Variants in CLCN3 observed in about 807,000 individuals in gnomAD.
CLCN3 encodes H(+)/Cl(-) exchange transporter 3.
CLCN3 carries 16 observed loss-of-function variants against 83.4 expected under a neutral mutation model. That is an observed-to-expected ratio of 0.19 (90% CI 0.13 to 0.29). The LOEUF (loss-of-function observed/expected upper bound fraction) is 0.29. CLCN3 is among the 10% of genes least tolerant of loss of function. The pLI is 1.00. For missense variants in CLCN3, 544 were observed against 1,006.0 expected, an observed-to-expected ratio of 0.54 and a Z score of 6.21; for synonymous variants, 322 against 346.2, an observed-to-expected ratio of 0.93 and a Z score of 0.78.
intron 3 of CLCN3, chr4:169,680,875 G>A (rs1731910617): frequency 6.6e-6 from 1 of 152,072 alleles, no homozygotes; most frequent in South Asian, 2.1e-4. Context: ...TTGAGACGGA[G>A]TCTCAGTCTT....
chr4:169,679,931 G>C (rs1731868647), intron 2 of CLCN3, 119 bp from the exon 3 acceptor site: 4 of 774,870 alleles, frequency 5.2e-6, no homozygotes, highest in African/African-American at 1.7e-5. Flanking sequence ...GGGAGGTGGA[G>C]ACGAGGGAGA....
chr4:169,631,018 C>G (rs760041491), intron 1 of CLCN3, among the ~76,000 whole-genome samples: 1 of 152,158 alleles, frequency 6.6e-6, no homozygotes, highest in Non-Finnish European at 1.5e-5. Context: ...GTTTTAAGTT[C>G]TTTGATAAAT....
chr4:169,623,557 A>G (rs1360168110), intron 1 of CLCN3, among the ~76,000 whole-genome samples: 2 of 152,186 alleles, frequency 1.3e-5, no homozygotes, highest in African/African-American at 2.4e-5. Context: ...TTTGAGGTAT[A>G]TAGTACATTA....
intron 2 of CLCN3, among the ~76,000 whole-genome samples, chr4:169,654,772 A>G (rs1730833174): frequency 6.6e-6 from 1 of 152,176 alleles, no homozygotes; most frequent in African/African-American, 2.4e-5. Context: ...TGGCCCAGAA[A>G]AAAAGTCAAC....
intron 2 of CLCN3, among the ~76,000 whole-genome samples, chr4:169,645,285 T>C (rs1192861736): frequency 6.9e-6 from 1 of 145,804 alleles, no homozygotes; most frequent in African/African-American, 2.7e-5. Flanking sequence ...TTAAAAACTT[T>C]AAGAGTGAAG....
At position 169,621,006 on chromosome 4, in the gene CLCN3, G is replaced by T; in HGVS notation, c.-74G>T. 2.5e-6 allele frequency: 1 copy of T among 398,060 alleles called. No individual in the cohort carries two copies. Among genetic ancestry groups the T allele is most frequent in the Non-Finnish European group, 4.4e-6 (1 of 226,032 alleles). 24.7% of individuals were successfully genotyped at this position (398,060 alleles called of 1,614,324 possible). A position where few individuals can be genotyped will look rare whatever the true frequency, so the allele number is the denominator to read the frequency against. On this transcript the variant is annotated 5_prime_UTR_variant, in exon 1 of 13. Transcript: ENST00000513761. ...AGGTTCTAGGTTTGAAACAGATGCA[G>T]AATCCAAAGGCAGCGCAAAAAACAG...
chr4:169,639,177 A>C (rs919758878), intron 2 of CLCN3, among the ~76,000 whole-genome samples: 1 of 152,126 alleles, frequency 6.6e-6, no homozygotes, highest in African/African-American at 2.4e-5. Flanking sequence ...CCACAGTTGC[A>C]CACCACTAGA....
At chr4:169,701,453 C>A (rs189284237) in intron 9 of CLCN3, among the ~76,000 whole-genome samples, 8 of 152,252 alleles carry the variant, frequency 5.3e-5, no homozygotes, top group Admixed American at 5.2e-4. Flanking sequence ...GATATTTTGA[C>A]CTCCTCCCAT....
chr4:169,720,011 GGAGA>G lies in CLCN3; in HGVS notation c.*19_*22del. ...ATGTTCAACTGAATCTCACAGATGA[GGAGA>G]GAGAAGAAACGGAAGAGGAAGTTTA... is the stretch of plus-strand genomic sequence containing the variant. On this transcript the variant is annotated 3_prime_UTR_variant, in exon 13 of 13. Transcript: ENST00000513761. 1 of 1,613,314 alleles carries G rather than the reference GGAGA, an allele frequency of 6.2e-7. No individual in the cohort carries two copies. The highest frequency in any genetic ancestry group is 1.1e-5 in the South Asian group (1 of 91,044).
chr4:169,654,918 T>G (rs28716464), intron 2 of CLCN3, among the ~76,000 whole-genome samples: 24,388 of 152,158 alleles, frequency 0.16, 3,107 homozygotes, highest in African/African-American at 0.36. Context: ...TTCTCCTTGT[T>G]TGTTTCTATT....
At chr4:169,711,857 C>T (rs1340884430) in intron 11 of CLCN3, among the ~76,000 whole-genome samples, 1 of 151,876 alleles carries the variant, frequency 6.6e-6, no homozygotes, top group Admixed American at 6.6e-5. Context: ...AATTTGTATT[C>T]AAAAAATATA....
intron 2 of CLCN3, among the ~76,000 whole-genome samples, chr4:169,678,762 A>G (rs1731783932): frequency 6.6e-6 from 1 of 152,224 alleles, no homozygotes; most frequent in South Asian, 2.1e-4. Context: ...CAGCATCCCA[A>G]GGCAGAAGAA....
chr4:169,702,616 C>A (rs1732831856), intron 9 of CLCN3, among the ~76,000 whole-genome samples: 1 of 151,522 alleles, frequency 6.6e-6, no homozygotes, highest in Non-Finnish European at 1.5e-5. Flanking sequence ...TGATTACTCT[C>A]AAAAAAAAGT....
chr4:169,679,281 TC>T lies in CLCN3; in HGVS notation c.161-766del, dbSNP rs1489213484. 9.2e-5 allele frequency among the ~76,000 whole-genome samples: 12 copies of T among 130,852 alleles called. No homozygotes were observed. The South Asian group carries it at 3.0e-3, about 33-fold the overall frequency. The allele number at this position is 130,852 out of a possible 152,430, so 85.8% of individuals were successfully genotyped here. On this transcript the variant is annotated intron_variant, in intron 2 of 12. Transcript: ENST00000513761. ...CGGCCGGGCAGAGGCGCTCCCCACG[TC>T]CCAGACGATGGGCGGCCGGGCAGAG...
intron 4 of CLCN3, among the ~76,000 whole-genome samples, chr4:169,688,387 A>G (rs1267241554): frequency 6.6e-6 from 1 of 152,238 alleles, no homozygotes; most frequent in Non-Finnish European, 1.5e-5. Context: ...AAGCACTGTT[A>G]TAATCACTTT....
At chr4:169,698,285 T>C (rs896369688) in intron 9 of CLCN3, among the ~76,000 whole-genome samples, 8 of 152,212 alleles carry the variant, frequency 5.3e-5, no homozygotes, top group African/African-American at 1.9e-4. Context: ...AATTAAATTA[T>C]TGAATATAGT....
chr4:169,636,802 G>A (rs1185432963), intron 2 of CLCN3, among the ~76,000 whole-genome samples: 1 of 142,822 alleles, frequency 7.0e-6, no homozygotes, highest in Non-Finnish European at 1.5e-5. Context: ...ATGTGCATAT[G>A]TTTTAGTGCA....
chr4:169,637,738 T>TATAA (rs1425339942), intron 2 of CLCN3, among the ~76,000 whole-genome samples: 2 of 152,192 alleles, frequency 1.3e-5, no homozygotes, highest in Admixed American at 1.3e-4. Context: ...TATTCACATT[T>TATAA]AGATCTGCCT....
chr4:169,703,664 C>CTTTTTTT (rs112073521), intron 9 of CLCN3, among the ~76,000 whole-genome samples: 5 of 142,370 alleles, frequency 3.5e-5, no homozygotes, highest in Non-Finnish European at 4.6e-5. Context: ...GCATATTGTC[C>CTTTTTTT]TTTTTTTTTT....
Sources: gnomAD v4.1 joint callset for allele counts (sites outside exome capture counted in the v4.1 genomes callset) on GRCh38, gnomAD v4.1.1 for gene constraint, MANE v1.5 for transcripts, NCBI Gene and HGNC (gene_info 2026-07-23, HGNC 2026-07-21) for gene names.